KLHL1: variants seen among roughly 807,000 people sequenced by gnomAD.
KLHL1 encodes kelch-like protein 1.
In KLHL1, 47 loss-of-function variants were observed where a neutral mutation model predicts 77.7. That is an observed-to-expected ratio of 0.60 (90% CI 0.48 to 0.77). The LOEUF (loss-of-function observed/expected upper bound fraction) is 0.77, where lower values mean the gene tolerates loss of function less well. KLHL1 is among the 30% of genes least tolerant of loss of function. The probability of loss-of-function intolerance (pLI) is 0.00; values close to 1 mark genes in which losing one functional copy is unlikely to be tolerated. For synonymous variants in KLHL1, 360 were observed against 325.2 expected (o/e 1.11, Z -1.15); for missense variants, 925 against 910.8 (o/e 1.02, Z -0.20).
intron 6 of KLHL1, among the ~76,000 whole-genome samples, chr13:69,818,258 G>A (rs1252850979): frequency 3.7e-5 from 4 of 107,552 alleles, no homozygotes; most frequent in East Asian, 4.3e-4. Context: ...GTCTTGCTCC[G>A]TCACCAGGCT....
intron 5 of KLHL1, among the ~76,000 whole-genome samples, chr13:69,851,874 A>G (rs749454540): frequency 2.0e-5 from 3 of 151,878 alleles, no homozygotes; most frequent in Non-Finnish European, 4.4e-5. Flanking sequence ...TTTACCTACT[A>G]GTAGTCAGAT....
At chr13:69,708,480 C>T (rs1238856088) in intron 9 of KLHL1, among the ~76,000 whole-genome samples, 1 of 151,898 alleles carries the variant, frequency 6.6e-6, no homozygotes, top group East Asian at 1.9e-4. Flanking sequence ...GAAAAATAGC[C>T]TTTGAAACTT....
chr13:70,067,050 G>T (rs1472719949), intron 1 of KLHL1, among the ~76,000 whole-genome samples: 4 of 152,126 alleles, frequency 2.6e-5, no homozygotes, highest in Non-Finnish European at 5.9e-5. Flanking sequence ...AACATTAAGA[G>T]AACGAAGTCC....
chr13:69,783,756 G>A (rs1345600586), intron 7 of KLHL1, among the ~76,000 whole-genome samples: 1 of 132,580 alleles, frequency 7.5e-6, no homozygotes, highest in Non-Finnish European at 1.6e-5. Flanking sequence ...AAAACACTCT[G>A]CGGGATATTA....
intron 5 of KLHL1, among the ~76,000 whole-genome samples, chr13:69,874,295 A>C (rs1041182902): frequency 2.6e-5 from 4 of 151,866 alleles, no homozygotes; most frequent in East Asian, 1.9e-4. Flanking sequence ...CTCTTCCCTT[A>C]TCTCTCTATA....
intron 3 of KLHL1, among the ~76,000 whole-genome samples, 163 bp downstream of exon 3, chr13:69,961,145 A>G (rs1286276698): frequency 6.6e-6 from 1 of 152,082 alleles, no homozygotes; most frequent in Non-Finnish European, 1.5e-5. Flanking sequence ...ATACATTTGT[A>G]ATTTCAGTGA....
intron 2 of KLHL1, among the ~76,000 whole-genome samples, chr13:69,970,924 A>G (rs74090680): frequency 6.6e-6 from 1 of 152,224 alleles, no homozygotes; most frequent in African/African-American, 2.4e-5. Context: ...TTATGTTCAT[A>G]TAGTCTTCAT....
chr13:69,790,094 C>A (rs1006840198), intron 7 of KLHL1, among the ~76,000 whole-genome samples: 1 of 151,860 alleles, frequency 6.6e-6, no homozygotes, highest in Non-Finnish European at 1.5e-5. Context: ...CTAAGCTAAC[C>A]ATTATGTTTC....
At chr13:69,803,063 A>C (rs560339993) in intron 6 of KLHL1, 109 of 152,348 alleles carry the variant, frequency 7.2e-4, no homozygotes, top group African/African-American at 2.3e-3. Context: ...CATATAACCA[A>C]GAGAATTCAT....
intron 1 of KLHL1, among the ~76,000 whole-genome samples, chr13:70,054,144 A>G (rs575401531): frequency 1.2e-3 from 185 of 152,250 alleles, no homozygotes; most frequent in African/African-American, 4.1e-3. Context: ...TTTACTACAC[A>G]TTACACACTG....
At chr13:70,070,280 T>G (rs1887109169) in intron 1 of KLHL1, among the ~76,000 whole-genome samples, 1 of 151,914 alleles carries the variant, frequency 6.6e-6, no homozygotes, top group East Asian at 1.9e-4. Flanking sequence ...AACATCAAGA[T>G]TCTTCACCTA....
chr13:69,976,510 G>T (rs2137292956), intron 1 of KLHL1, among the ~76,000 whole-genome samples: 1 of 152,052 alleles, frequency 6.6e-6, no homozygotes, highest in African/African-American at 2.4e-5. Context: ...TTTAATAAGT[G>T]CTATACTCCA....
intron 1 of KLHL1, among the ~76,000 whole-genome samples, chr13:70,089,231 C>T (rs1337407504): frequency 1.3e-5 from 2 of 152,158 alleles, no homozygotes; most frequent in Admixed American, 6.5e-5. Context: ...TGACTAATGC[C>T]AGATGCTTCT....
chr13:70,057,659 C>G (rs1886777682), intron 1 of KLHL1, among the ~76,000 whole-genome samples: 1 of 149,110 alleles, frequency 6.7e-6, no homozygotes, highest in Admixed American at 6.7e-5. Context: ...GCCTGTAGTC[C>G]CAGCTACTCG....
At chr13:70,093,603 G>C (rs1325721035) in intron 1 of KLHL1, among the ~76,000 whole-genome samples, 1 of 151,970 alleles carries the variant, frequency 6.6e-6, no homozygotes, top group East Asian at 1.9e-4. Context: ...GAAATATTTT[G>C]ACACATAAAT....
chr13:69,708,865 C>A (rs1366412071), intron 9 of KLHL1, among the ~76,000 whole-genome samples: 1 of 151,854 alleles, frequency 6.6e-6, no homozygotes, highest in Non-Finnish European at 1.5e-5. Context: ...CAAATAAATT[C>A]TTAGTTTGTT....
intron 4 of KLHL1, among the ~76,000 whole-genome samples, chr13:69,902,141 T>C (rs1305819364): frequency 6.6e-6 from 1 of 152,154 alleles, no homozygotes; most frequent in Non-Finnish European, 1.5e-5. Flanking sequence ...TTTGAAATGA[T>C]AAGGCACAAT....
chr13:69,950,921 C>T (rs1458044941), intron 3 of KLHL1, among the ~76,000 whole-genome samples: 1 of 151,536 alleles, frequency 6.6e-6, no homozygotes, highest in African/African-American at 2.4e-5. Flanking sequence ...CCACTTTTGG[C>T]TAAATACTGA....
intron 10 of KLHL1, among the ~76,000 whole-genome samples, chr13:69,704,257 A>G (rs765477219): frequency 1.3e-5 from 2 of 151,594 alleles, no homozygotes; most frequent in Non-Finnish European, 3.0e-5. Context: ...CTCTCCATCC[A>G]GTTGTTCAAG....
Sources: allele counts gnomAD v4.1 joint callset (sites outside exome capture counted in the v4.1 genomes callset), GRCh38; gene constraint gnomAD v4.1.1; transcripts MANE v1.5; gene names NCBI Gene and HGNC (gene_info 2026-07-23, HGNC 2026-07-21).